The following SPTBN2 variants were observed in gnomAD, a reference collection of about 807,000 sequenced individuals.
The protein encoded by SPTBN2 is spectrin beta chain, non-erythrocytic 2.
In SPTBN2, 107 loss-of-function variants were observed where a neutral mutation model predicts 284.2. The ratio of observed to expected loss-of-function variants is 0.38; its 90% CI spans 0.32 to 0.44. The LOEUF (loss-of-function observed/expected upper bound fraction) is 0.44. Among genes scored for constraint, SPTBN2 ranks in the 20% least tolerant of loss-of-function variants. The probability of loss-of-function intolerance (pLI) is 1.00; values close to 1 mark genes in which losing one functional copy is unlikely to be tolerated. For missense variants in SPTBN2, 2,569 were observed against 3,287.1 expected, an observed-to-expected ratio of 0.78 and a Z score of 5.34; for synonymous variants, 1,289 against 1,354.8, an observed-to-expected ratio of 0.95 and a Z score of 1.07.
rs556598372 is a variant in SPTBN2 at position 66,688,553 on chromosome 11, G to A, written c.6231+100C>T. On this transcript the variant is annotated intron_variant, in intron 31 of 37. Transcript: ENST00000533211. ...TCTCAGCTCACATCTGGGGGCCACT[G>A]GTGCAGTGGGAAGAGAGAAGACATG... is the stretch of plus-strand genomic sequence containing the variant. 1.3e-4 allele frequency: 203 copies of A among 1,518,992 alleles called. No individual in the cohort carries two copies. In the African/African-American group the frequency reaches 2.6e-3, roughly 19 times the overall value. The allele number at this position is 1,518,992 out of a possible 1,614,324, so 94.1% of individuals were successfully genotyped here.
At position 66,710,557 on chromosome 11, in the gene SPTBN2, AGGGTGG is replaced by A. The variant is rs756144653; in HGVS notation, c.1073+19_1073+24del. On this transcript the variant is annotated intron_variant, in intron 10 of 37. Transcript: ENST00000533211. The surrounding 1 kb of genome is among the most constrained non-coding windows in gnomAD (Gnocchi z 4.9). The stretch of plus-strand genomic sequence containing the variant: ...CTCTCGTGGGAGCACAGCTCAGGGA[AGGGTGG>A]GGCCCCAGGGACACCTACTTGGGCG... The A allele has an allele frequency of 3.7e-6, 6 of 1,610,538 alleles. No individual in the cohort carries two copies. The highest frequency in any genetic ancestry group is 5.1e-6 in the Non-Finnish European group (6 of 1,178,584).
chr11:66,691,173 T>C lies in SPTBN2; in HGVS notation c.5565+111A>G. 1 of 1,396,882 alleles carries C rather than the reference T, an allele frequency of 7.2e-7. No individual in the cohort carries two copies. Among genetic ancestry groups the C allele is most frequent in the Admixed American group, 2.5e-5 (1 of 39,836 alleles). The allele number at this position is 1,396,882 out of a possible 1,614,324, so 86.5% of individuals were successfully genotyped here. ...CATCTCGAAATGGCCCTCGAAAGAG[T>C]GCCGTCCTCCCAGCATTTCTGAGCT... On this transcript the variant is annotated intron_variant, in intron 27 of 37. Coordinates refer to ENST00000533211, the MANE Select transcript of SPTBN2 (RefSeq NM_006946.4). This position sits in a 1 kb window ranked among gnomAD's most constrained non-coding sequence, Gnocchi z 8.0.
At chr11:66,743,576 T>A (rs1942919279) in intron 1 of SPTBN2, among the ~76,000 whole-genome samples, 3 of 152,186 alleles carry the variant, frequency 2.0e-5, no homozygotes, top group Non-Finnish European at 2.9e-5. Flanking sequence ...CTTAAGCCCC[T>A]GTCACCATGC....
chr11:66,697,468 C>T (rs1940985214), intron 20 of SPTBN2, among the ~76,000 whole-genome samples: 1 of 151,574 alleles, frequency 6.6e-6, no homozygotes, highest in Non-Finnish European at 1.5e-5. Context: ...TTCTCTCCCA[C>T]CTCTTCTTCC....
At chr11:66,734,535 C>G (rs1283990562) in intron 1 of SPTBN2, among the ~76,000 whole-genome samples, 1 of 152,160 alleles carries the variant, frequency 6.6e-6, no homozygotes, top group East Asian at 1.9e-4. Flanking sequence ...ATCGCTCTTC[C>G]TCTTCCATTC....
rs1202044230 is a variant in SPTBN2, at chr11:66,694,430, C to T, written c.4279-67G>A. Reference sequence around the variant, plus strand: ...CCGCCTTCATGCCCAGCAGAGACACCAACCAGTCTCTATCCAGCCCACTGT... The same window carrying T: ...CCGCCTTCATGCCCAGCAGAGACACTAACCAGTCTCTATCCAGCCCACTGT... On this transcript the variant is annotated intron_variant, in intron 21 of 37. Transcript: ENST00000533211. 4 of 1,487,594 alleles carry T rather than the reference C, an allele frequency of 2.7e-6. No individual in the cohort carries two copies. The African/African-American group carries it at 5.5e-5, about 21-fold the overall frequency. 92.1% of individuals were successfully genotyped at this position (1,487,594 alleles called of 1,614,324 possible). A position where few individuals can be genotyped will look rare whatever the true frequency, so the allele number is the denominator to read the frequency against.
chr11:66,719,811 G>A (rs1225782185), intron 3 of SPTBN2, among the ~76,000 whole-genome samples: 1 of 152,216 alleles, frequency 6.6e-6, no homozygotes, highest in Non-Finnish European at 1.5e-5. Context: ...TCCAAAACCA[G>A]AGTGCCAGGA....
In SPTBN2 at chr11:66,700,615, C is replaced by T. The variant is rs1381701921; in HGVS notation, c.3484G>A (p.Glu1162Lys). The T allele has an allele frequency of 6.2e-7, 1 of 1,608,230 alleles. No homozygotes were observed. The highest frequency in any genetic ancestry group is 8.5e-7 in the Non-Finnish European group (1 of 1,180,000). ...TGGGCCAGGCGACCTTGCCGGCTCT[C>T]CCACATTCGGCCCAGCTCCTCCCAG... ...TGWEELGRMW[E>K]SRQGRLAQAH... The change falls in exon 17 of 38, where the codon GAG becomes AAG. Residue 1162 changes from glutamate (E) to lysine (K), a missense_variant. Around this residue, in one of 6 missense-constraint regions of SPTBN2, gnomAD observed 1,012 missense variants for 1,248.9 expected, o/e 0.81. Coordinates refer to ENST00000533211, the MANE Select transcript of SPTBN2 (RefSeq NM_006946.4). The surrounding 1 kb of genome is among the most constrained non-coding windows in gnomAD (Gnocchi z 6.6).
At chr11:66,692,930 G>C (rs375866865) in intron 25 of SPTBN2, 40 bp downstream of exon 25, 9 of 1,598,926 alleles carry the variant, frequency 5.6e-6, no homozygotes, top group Non-Finnish European at 7.6e-6. Context: ...CCTGCAGCCG[G>C]CTCCACCCCC....
intron 13 of SPTBN2, 94 bp from the exon 14 acceptor site, chr11:66,705,931 T>C (rs1203927163): frequency 1.3e-6 from 2 of 1,526,220 alleles, no homozygotes; most frequent in Non-Finnish European, 1.8e-6. Context: ...GCCCCAGGTG[T>C]TGCACCCAGG....
chr11:66,734,060 C>T (rs187096803), upstream of SPTBN2, among the ~76,000 whole-genome samples: 2 of 151,834 alleles, frequency 1.3e-5, no homozygotes, highest in African/African-American at 4.8e-5. Context: ...CTTACTTCTC[C>T]TCTTGGCAGC....
At chr11:66,701,346 G>C (rs1941236703) in intron 16 of SPTBN2, 64 bp from the exon 17 acceptor site, 1 of 1,588,656 alleles carries the variant, frequency 6.3e-7, no homozygotes, top group Admixed American at 1.7e-5. Context: ...CTTCTTCCCT[G>C]CTTCTCTCTC....
rs1407400077 is a variant in SPTBN2, at chr11:66,708,860, G to C, written c.1191+42C>G. ...GGATGTGTGCAAGGCATCTGGGCCA[G>C]GGCCTGCCCTGAGGGTGGGTGGCCT... is the stretch of plus-strand genomic sequence containing the variant. On this transcript the variant is annotated intron_variant, in intron 11 of 37. Transcript: ENST00000533211. This position sits in a 1 kb window ranked among gnomAD's most constrained non-coding sequence, Gnocchi z 4.4. The C allele has an allele frequency of 6.4e-7, 1 of 1,560,674 alleles. No individual in the cohort carries two copies.
In SPTBN2 at chr11:66,687,614, G is replaced by C; in HGVS notation, c.6535C>G (p.Arg2179Gly). 6.2e-7 allele frequency: 1 copy of C among 1,604,174 alleles called. No homozygotes were observed. The change falls in exon 35 of 38, where the codon CGG becomes GGG. Residue 2179 changes from arginine (R) to glycine (G), a missense_variant. Physicochemically the swap from Arg to Gly is moderately radical, Grantham distance 125. Around this residue, in one of 6 missense-constraint regions of SPTBN2, gnomAD observed 1,130 missense variants for 1,317.3 expected, o/e 0.86. Transcript: ENST00000533211. The surrounding 1 kb of genome is among the most constrained non-coding windows in gnomAD (Gnocchi z 5.2). ...CGAGTCCGGGTCTGCCTCTCTCCCC[G>C]GGGCCCATTGGCTTCGTCCCCTGAG... ...PGSGDEANGPRGERQTRTRGP... is the reference protein window; with the variant it reads ...PGSGDEANGPGGERQTRTRGP...
chr11:66,688,529 C>T, intron 31 of SPTBN2, 124 bp downstream of exon 31: 2 of 1,472,132 alleles, frequency 1.4e-6, no homozygotes, highest in Non-Finnish European at 9.2e-7. Flanking sequence ...CAATGGCACT[C>T]TCAGCTCACA....
Position 66,688,653 on chromosome 11 carries a change from C to T in SPTBN2, c.6231G>A (p.Ala2077=). 3.7e-6 allele frequency: 6 copies of T among 1,613,866 alleles called. No homozygotes were observed. The highest frequency in any genetic ancestry group is 4.2e-6 in the Non-Finnish European group (5 of 1,180,000). ...GCATCCGGGGTCCTGTGTCCCTCACCGCAGTAAGCTTCTCCAGCGCACAGA... is the reference window on the plus strand; with the variant it reads ...GCATCCGGGGTCCTGTGTCCCTCACTGCAGTAAGCTTCTCCAGCGCACAGA... The part of the protein sequence containing the change: ...ERFCALEKLT[A]LEEREKERKR... Residue 2077 remains alanine (A), a splice_region_variant and synonymous_variant, in exon 31 of 38, where the codon GCG becomes GCA. Coordinates refer to ENST00000533211, the MANE Select transcript of SPTBN2 (RefSeq NM_006946.4).
Position 66,708,920 on chromosome 11 carries a change from G to A in SPTBN2, c.1173C>T (p.Leu391=). The change falls in exon 11 of 38, where the codon CTC becomes CTT. Residue 391 remains leucine, a synonymous_variant. Transcript: ENST00000533211. The surrounding 1 kb of genome is among the most constrained non-coding windows in gnomAD (Gnocchi z 4.4). ...QKVYTPREGR[L]ISDINKAWER... is the part of the protein sequence containing the mutation. The stretch of plus-strand genomic sequence containing the variant: ...CACGGACCTTGTTGATGTCCGAGAT[G>A]AGCCGGCCCTCGCGGGGCGTGTAGA... 3 of 1,614,046 alleles carry A rather than the reference G, an allele frequency of 1.9e-6. No individual in the cohort carries two copies. Among genetic ancestry groups the A allele is most frequent in the South Asian group, 1.1e-5 (1 of 91,082 alleles).
intron 1 of SPTBN2, among the ~76,000 whole-genome samples, chr11:66,725,977 G>T (rs1244186326): frequency 6.6e-6 from 1 of 152,090 alleles, no homozygotes; most frequent in Non-Finnish European, 1.5e-5. Flanking sequence ...AGGGCACTTC[G>T]GCATGCAGCT....
At position 66,701,859 on chromosome 11, in the gene SPTBN2, AGCCTAT is replaced by A. The variant is rs1161256687; in HGVS notation, c.2679-144_2679-139del. 4.9e-6 allele frequency: 6 copies of A among 1,236,390 alleles called. No homozygotes were observed. In the African/African-American group the frequency reaches 9.0e-5, roughly 18 times the overall value. The allele number at this position is 1,236,390 out of a possible 1,614,324, so 76.6% of individuals were successfully genotyped here. On this transcript the variant is annotated intron_variant, in intron 15 of 37. Coordinates refer to ENST00000533211, the MANE Select transcript of SPTBN2 (RefSeq NM_006946.4). The stretch of plus-strand genomic sequence containing the variant: ...ATCTGCAGGAGTCTCTCTGCCTCTC[AGCCTAT>A]GAGGTTCATAGTATCTGTGCATCAA...
Sources: allele counts gnomAD v4.1 joint callset (sites outside exome capture counted in the v4.1 genomes callset), GRCh38; gene constraint gnomAD v4.1.1; regional missense constraint gnomAD v4.1.1; non-coding constraint Gnocchi (gnomAD v3.1); transcripts MANE v1.5; gene names NCBI Gene and HGNC (gene_info 2026-07-23, HGNC 2026-07-21).